Variants in TBC1D31 observed in about 807,000 individuals in gnomAD.
TBC1D31 encodes WD repeat domain 67.
Under a neutral mutation model 132.9 loss-of-function variants are expected in TBC1D31, and 99 were observed. The ratio of observed to expected loss-of-function variants is 0.74; its 90% CI spans 0.63 to 0.88. The LOEUF (loss-of-function observed/expected upper bound fraction) is 0.88. TBC1D31 is among the 40% of genes least tolerant of loss of function. TBC1D31 has a pLI of 0.00. For synonymous variants in TBC1D31, 385 were observed against 419.4 expected (o/e 0.92, Z 1.00); for missense variants, 1,134 against 1,256.6 (o/e 0.90, Z 1.48).
At chr8:123,157,719 G>GCGCACACACA in the TBC1D31 span, among the ~76,000 whole-genome samples, 8 of 147,934 alleles carry the variant, frequency 5.4e-5, no homozygotes, top group African/African-American at 1.2e-4. Flanking sequence ...GCGCGCGCGC[G>GCGCACACACA]CACACACACA....
chr8:123,134,207 G>A lies in TBC1D31; in HGVS notation c.2499+1G>A. 6.2e-7 allele frequency: 1 copy of A among 1,612,312 alleles called. No homozygotes were observed. Among genetic ancestry groups the A allele is most frequent in the Non-Finnish European group, 8.5e-7 (1 of 1,178,526 alleles). On this transcript the variant is annotated splice_donor_variant, in intron 17 of 21. Coordinates refer to ENST00000287380, the MANE Select transcript of TBC1D31 (RefSeq NM_145647.4). LOFTEE classifies it high-confidence loss of function. ...ATCACAAAAGAGACTTTATGAGAAG[G>A]TATAATTCAGTTATTTCCAACATAA...
At chr8:123,136,185 G>T (rs1821074414) in intron 17 of TBC1D31, among the ~76,000 whole-genome samples, 1 of 152,086 alleles carries the variant, frequency 6.6e-6, no homozygotes, top group South Asian at 2.1e-4. Flanking sequence ...ACCTTATTCA[G>T]ATTTGATCCA....
chr8:123,087,964 C>G (rs902576681), intron 4 of TBC1D31, among the ~76,000 whole-genome samples: 1 of 148,212 alleles, frequency 6.7e-6, no homozygotes, highest in Non-Finnish European at 1.5e-5. Context: ...GGGGGGATCA[C>G]CTGAGGTCAG....
chr8:123,140,633 G>T, intron 17 of TBC1D31, 128 bp from the exon 18 acceptor site: 6 of 789,266 alleles, frequency 7.6e-6, no homozygotes, highest in Non-Finnish European at 9.8e-6. Context: ...TCCAGTCGTT[G>T]AATTTTACTT....
intron 21 of TBC1D31, 43 bp from the exon 22 acceptor site, chr8:123,151,763 T>C: frequency 6.6e-7 from 1 of 1,524,324 alleles, no homozygotes; most frequent in Non-Finnish European, 8.7e-7. Context: ...ACCGCTAACA[T>C]CAGAAAACTC....
At chr8:123,082,848 C>G (rs1815311556) in intron 3 of TBC1D31, 31 bp downstream of exon 3, 2 of 1,483,118 alleles carry the variant, frequency 1.3e-6, no homozygotes, top group Non-Finnish European at 1.9e-6. Flanking sequence ...TCTTTTGAAG[C>G]AGAGTAAAAT....
At chr8:123,110,671 C>G (rs148503873) in intron 10 of TBC1D31, among the ~76,000 whole-genome samples, 8 of 152,084 alleles carry the variant, frequency 5.3e-5, no homozygotes, top group Non-Finnish European at 1.0e-4. Context: ...ACACACACTC[C>G]CCTTGCTAAA....
At chr8:123,080,006 A>G (rs1186628533) in intron 2 of TBC1D31, among the ~76,000 whole-genome samples, 1 of 152,196 alleles carries the variant, frequency 6.6e-6, no homozygotes, top group Non-Finnish European at 1.5e-5. Flanking sequence ...GGGAGAAAAA[A>G]TAATTTTTCC....
At chr8:123,133,898 G>A (rs1820842525) in intron 16 of TBC1D31, among the ~76,000 whole-genome samples, 1 of 152,086 alleles carries the variant, frequency 6.6e-6, no homozygotes, top group South Asian at 2.1e-4. Context: ...ATGGTATTGT[G>A]CTTTTTATTT....
intron 5 of TBC1D31, among the ~76,000 whole-genome samples, chr8:123,094,138 C>A (rs1816620798): frequency 6.6e-6 from 1 of 152,030 alleles, no homozygotes; most frequent in African/African-American, 2.4e-5. Context: ...GATCTCAGCT[C>A]ACTGCAACCT....
At chr8:123,076,242 A>G (rs1814497911) in intron 1 of TBC1D31, among the ~76,000 whole-genome samples, 1 of 152,140 alleles carries the variant, frequency 6.6e-6, no homozygotes, top group South Asian at 2.1e-4. Flanking sequence ...CTGGGATCAC[A>G]GGCACATGCA....
At chr8:123,132,417 T>TTC (rs1201253657) in intron 16 of TBC1D31, among the ~76,000 whole-genome samples, 2 of 137,142 alleles carry the variant, frequency 1.5e-5, no homozygotes, top group Non-Finnish European at 3.1e-5. Flanking sequence ...TTTTTTTTTT[T>TTC]TTTTTTTTTT....
chr8:123,149,148 G>A (rs1490656756), intron 20 of TBC1D31, among the ~76,000 whole-genome samples: 1 of 151,996 alleles, frequency 6.6e-6, no homozygotes, highest in Non-Finnish European at 1.5e-5. Context: ...CCGTTCTCTG[G>A]AACAGTGCAG....
At chr8:123,148,358 G>A (rs1195002395) in intron 20 of TBC1D31, among the ~76,000 whole-genome samples, 1 of 152,150 alleles carries the variant, frequency 6.6e-6, no homozygotes, top group African/African-American at 2.4e-5. Context: ...TTTGAACAGA[G>A]ATAATATTTA....
downstream of TBC1D31, among the ~76,000 whole-genome samples, chr8:123,152,831 A>G (rs566308562): frequency 1.3e-5 from 2 of 152,176 alleles, no homozygotes; most frequent in Non-Finnish European, 2.9e-5. Flanking sequence ...AGATCACGCC[A>G]CCGCACTCCA....
intron 7 of TBC1D31, chr8:123,102,335 G>A: frequency 2.3e-6 from 1 of 441,514 alleles, no homozygotes; most frequent in South Asian, 1.6e-5. Flanking sequence ...GAGATTGGGT[G>A]CATTTGGAGT....
intron 4 of TBC1D31, among the ~76,000 whole-genome samples, chr8:123,092,170 A>G (rs533457484): frequency 9.2e-5 from 14 of 152,040 alleles, no homozygotes; most frequent in Non-Finnish European, 1.6e-4. Context: ...GTCTGCCACC[A>G]CACCCGGCTA....
chr8:123,133,749 G>C (rs1820832048), intron 16 of TBC1D31, among the ~76,000 whole-genome samples: 1 of 152,150 alleles, frequency 6.6e-6, no homozygotes, highest in Admixed American at 6.6e-5. Context: ...GAGAAGTTTA[G>C]TCAAAAAGAG....
chr8:123,078,991 T>C (rs1477004885), intron 2 of TBC1D31, among the ~76,000 whole-genome samples: 1 of 152,194 alleles, frequency 6.6e-6, no homozygotes, highest in Non-Finnish European at 1.5e-5. Flanking sequence ...TAGGATGCAG[T>C]GAAAAGAACA....
Sources: allele counts gnomAD v4.1 joint callset (sites outside exome capture counted in the v4.1 genomes callset), GRCh38; gene constraint gnomAD v4.1.1; transcripts MANE v1.5; gene names NCBI Gene and HGNC (gene_info 2026-07-23, HGNC 2026-07-21).